Variants in DPP6 observed in about 807,000 individuals in gnomAD.
DPP6 encodes A-type potassium channel modulatory protein DPP6.
DPP6 carries 69 observed loss-of-function variants against 122.6 expected under a neutral mutation model. The observed-to-expected ratio is 0.56, with a 90% CI of 0.46 to 0.69. DPP6 has a LOEUF of 0.69. Ranked by LOEUF, DPP6 falls within the 30% of genes least tolerant of loss-of-function variation. The pLI, the probability that DPP6 is intolerant of heterozygous loss-of-function variation, is 0.00. For missense variants in DPP6, 928 were observed against 1,116.9 expected (o/e 0.83, Z 2.41); for synonymous variants, 418 against 433.1 (o/e 0.97, Z 0.43).
At chr7:154,304,369 C>T (rs1806114171) in intron 1 of DPP6, among the ~76,000 whole-genome samples, 1 of 152,240 alleles carries the variant, frequency 6.6e-6, no homozygotes, top group Non-Finnish European at 1.5e-5. Flanking sequence ...TCCGCTCTAC[C>T]CACTAACTGA....
At chr7:154,610,170 G>A (rs1833818422) in intron 5 of DPP6, among the ~76,000 whole-genome samples, 1 of 152,184 alleles carries the variant, frequency 6.6e-6, no homozygotes, top group African/African-American at 2.4e-5. Flanking sequence ...TAGTCCAACT[G>A]AAGAGAGAAG....
chr7:154,714,033 A>T (rs964786106), intron 7 of DPP6, among the ~76,000 whole-genome samples: 2 of 152,240 alleles, frequency 1.3e-5, no homozygotes, highest in Non-Finnish European at 2.9e-5. Context: ...TCTGGGGCAG[A>T]GGCAAAATGC....
At chr7:153,763,370 C>T in the DPP6 span, among the ~76,000 whole-genome samples, 1 of 67,948 alleles carries the variant, frequency 1.5e-5, no homozygotes, top group South Asian at 4.4e-4. Context: ...CCAGGAGGTA[C>T]AAGTAAGAAA....
chr7:153,950,984 G>A (rs1197750584), intron 1 of DPP6, among the ~76,000 whole-genome samples: 2 of 152,194 alleles, frequency 1.3e-5, no homozygotes, highest in Admixed American at 6.5e-5. Flanking sequence ...ACCTAGGTGA[G>A]CAGATAGTCT....
At chr7:154,177,318 C>T (rs966513743) in intron 1 of DPP6, among the ~76,000 whole-genome samples, 1 of 151,952 alleles carries the variant, frequency 6.6e-6, no homozygotes, top group Admixed American at 6.6e-5. Context: ...ATTAGCTTTA[C>T]CAATGAGATA....
intron 1 of DPP6, among the ~76,000 whole-genome samples, chr7:154,330,507 G>C (rs1245068958): frequency 6.6e-6 from 1 of 152,174 alleles, no homozygotes; most frequent in Non-Finnish European, 1.5e-5. Context: ...ATTCCTCTTT[G>C]GGGCGGGCAA....
intron 6 of DPP6, among the ~76,000 whole-genome samples, chr7:154,662,569 A>G (rs375715245): frequency 2.8e-5 from 2 of 71,554 alleles, no homozygotes; most frequent in Admixed American, 1.5e-4. Flanking sequence ...TAGTGTTCAT[A>G]TAGTCATGGT....
In DPP6 at chr7:154,332,943, G is replaced by T. The variant is rs1809081753; in HGVS notation, c.244-113271G>T. 2.0e-5 allele frequency among the ~76,000 whole-genome samples: 3 copies of T among 152,134 alleles called. No homozygotes were observed. The South Asian group carries it at 6.2e-4, about 32-fold the overall frequency. On this transcript the variant is annotated intron_variant, in intron 1 of 25. Coordinates refer to ENST00000377770, the MANE Select transcript of DPP6 (RefSeq NM_130797.4). Reference sequence around the variant, plus strand: ...GAAATGAGATTCTTATCTGGGTCTTGGGCACTGGAGGATCTCAGGCGCGGG... The same window carrying T: ...GAAATGAGATTCTTATCTGGGTCTTTGGCACTGGAGGATCTCAGGCGCGGG...
intron 1 of DPP6, among the ~76,000 whole-genome samples, chr7:154,142,226 A>G (rs933092553): frequency 5.9e-5 from 9 of 151,348 alleles, no homozygotes; most frequent in Non-Finnish European, 1.2e-4. Context: ...ATGCGAGAAT[A>G]TAAATGGGCA....
At chr7:153,776,377 G>C in the DPP6 span, among the ~76,000 whole-genome samples, 1 of 152,108 alleles carries the variant, frequency 6.6e-6, no homozygotes, top group Non-Finnish European at 1.5e-5. Flanking sequence ...AGGCGTGATG[G>C]TTTTATATGG....
At chr7:154,024,292 A>G (rs563723215) in intron 1 of DPP6, among the ~76,000 whole-genome samples, 141 of 152,358 alleles carry the variant, frequency 9.3e-4, no homozygotes, top group African/African-American at 3.2e-3. Context: ...TGTGAGCATC[A>G]TAAGCATCAA....
At chr7:154,368,970 A>G (rs1477745861) in intron 1 of DPP6, among the ~76,000 whole-genome samples, 1 of 152,226 alleles carries the variant, frequency 6.6e-6, no homozygotes, top group East Asian at 1.9e-4. Flanking sequence ...ATACCTGGCC[A>G]GCCAGGTATG....
intron 13 of DPP6, among the ~76,000 whole-genome samples, chr7:154,803,579 G>C (rs1798509605): frequency 6.6e-6 from 1 of 152,210 alleles, no homozygotes; most frequent in Non-Finnish European, 1.5e-5. Flanking sequence ...CTTCCATCAT[G>C]GTTGGAGGCC....
chr7:154,424,562 C>G (rs1054273554), intron 1 of DPP6, among the ~76,000 whole-genome samples: 9 of 152,096 alleles, frequency 5.9e-5, no homozygotes, highest in African/African-American at 2.2e-4. Flanking sequence ...ATTTAAGTAC[C>G]CTTATAATTA....
At chr7:154,297,063 G>GT (rs34506058) in intron 1 of DPP6, among the ~76,000 whole-genome samples, 38,440 of 123,030 alleles carry the variant, frequency 0.31, 5,768 homozygotes, top group East Asian at 0.54. Flanking sequence ...AATGTATTCT[G>GT]TTTTTTTTTT....
At chr7:154,300,873 T>C (rs928307092) in intron 1 of DPP6, among the ~76,000 whole-genome samples, 1 of 152,192 alleles carries the variant, frequency 6.6e-6, no homozygotes, top group African/African-American at 2.4e-5. Flanking sequence ...TGCTTCAGAA[T>C]GTGATGATAT....
chr7:153,863,632 T>C, the DPP6 span, among the ~76,000 whole-genome samples: 1 of 152,184 alleles, frequency 6.6e-6, no homozygotes, highest in East Asian at 1.9e-4. Flanking sequence ...TTTAGTATGC[T>C]TACAGAATTG....
At chr7:154,634,172 C>A (rs183365097) in intron 5 of DPP6, among the ~76,000 whole-genome samples, 2 of 109,162 alleles carry the variant, frequency 1.8e-5, no homozygotes, top group African/African-American at 7.0e-5. Context: ...TCCCCCCACC[C>A]CACAACAGTC....
At chr7:154,418,500 A>G (rs1410230368) in intron 1 of DPP6, among the ~76,000 whole-genome samples, 1 of 152,206 alleles carries the variant, frequency 6.6e-6, no homozygotes, top group Non-Finnish European at 1.5e-5. Context: ...AAAGTGTGAA[A>G]GATGAAAGGA....
Sources: allele counts gnomAD v4.1 joint callset (sites outside exome capture counted in the v4.1 genomes callset), GRCh38; gene constraint gnomAD v4.1.1; transcripts MANE v1.5; gene names NCBI Gene and HGNC (gene_info 2026-07-23, HGNC 2026-07-21).